CFAP36: variants seen among roughly 807,000 people sequenced by gnomAD.
The protein encoded by CFAP36 is cilia and flagella associated protein 36.
CFAP36 carries 37 observed loss-of-function variants against 50.5 expected under a neutral mutation model. The ratio of observed to expected loss-of-function variants is 0.73; its 90% CI spans 0.56 to 0.96. The LOEUF (loss-of-function observed/expected upper bound fraction) is 0.96. CFAP36 is among the 50% of genes least tolerant of loss of function. The pLI is 0.00. For synonymous variants in CFAP36, 138 were observed against 128.2 expected (o/e 1.08, Z -0.52); for missense variants, 407 against 396.2 (o/e 1.03, Z -0.23).
At chr2:55,541,642 T>A (rs1047780530) in intron 7 of CFAP36, among the ~76,000 whole-genome samples, 4 of 152,230 alleles carry the variant, frequency 2.6e-5, no homozygotes, top group Non-Finnish European at 5.9e-5. Context: ...TCATGTGTTC[T>A]GCAAATAAAG....
chr2:55,523,248 CAAAA>C (rs34360176), intron 2 of CFAP36, among the ~76,000 whole-genome samples: 3 of 140,390 alleles, frequency 2.1e-5, no homozygotes, highest in African/African-American at 2.6e-5. Flanking sequence ...CCATCTCTAC[CAAAA>C]AAAAAAAAAA....
At chr2:55,537,638 A>C in intron 7 of CFAP36, 53 bp downstream of exon 7, 1 of 1,150,870 alleles carries the variant, frequency 8.7e-7, no homozygotes, top group Non-Finnish European at 1.3e-6. Flanking sequence ...CATAAACACC[A>C]TATAGAATGT....
intron 5 of CFAP36, among the ~76,000 whole-genome samples, chr2:55,534,709 C>G (rs1684437695): frequency 6.6e-6 from 1 of 152,126 alleles, no homozygotes; most frequent in African/African-American, 2.4e-5. Context: ...AGACTGTGGC[C>G]TTGGCCTTTG....
Position 55,543,818 on chromosome 2 carries a change from CTGAA to C in CFAP36, c.641-116_641-113del. ...AGTATAGGCACTGAATATATGTTGACTGAATGACTATGAGGAAAAACAAGTATTA... is the reference window on the plus strand; with the variant it reads ...AGTATAGGCACTGAATATATGTTGACTGACTATGAGGAAAAACAAGTATTA... On this transcript the variant is annotated intron_variant, in intron 7 of 9. Transcript: ENST00000349456. 3.1e-6 allele frequency: 3 copies of C among 964,884 alleles called. No individual in the cohort carries two copies. The South Asian group carries it at 4.7e-5, about 15-fold the overall frequency. The allele number at this position is 964,884 out of a possible 1,614,324, so 59.8% of individuals were successfully genotyped here.
chr2:55,538,934 T>G, intron 7 of CFAP36: 1 of 1,428,204 alleles, frequency 7.0e-7, no homozygotes. Context: ...TTAATGTAAG[T>G]TGGAGAACAC....
At chr2:55,527,689 C>T (rs1684246189) in intron 3 of CFAP36, among the ~76,000 whole-genome samples, 1 of 152,140 alleles carries the variant, frequency 6.6e-6, no homozygotes, top group African/African-American at 2.4e-5. Context: ...ACATTCTTCT[C>T]AAGATCACAC....
intron 6 of CFAP36, among the ~76,000 whole-genome samples, chr2:55,537,267 T>C (rs1391783486): frequency 6.6e-6 from 1 of 151,908 alleles, no homozygotes. Flanking sequence ...GCTACTCAGG[T>C]GGCTCAGGCA....
intron 1 of CFAP36, among the ~76,000 whole-genome samples, chr2:55,521,653 G>A (rs1684069888): frequency 7.3e-6 from 1 of 137,884 alleles, no homozygotes. Flanking sequence ...TTTTTGAGAT[G>A]GAGTCTCACT....
chr2:55,528,810 T>C (rs1684277056), intron 3 of CFAP36, 68 bp from the exon 4 acceptor site: 1 of 852,366 alleles, frequency 1.2e-6, no homozygotes, highest in Non-Finnish European at 1.9e-6. Context: ...GCAGTAGAAA[T>C]GGTTCGAATG....
chr2:55,538,731 C>T (rs1399796480), intron 7 of CFAP36: 5 of 1,512,234 alleles, frequency 3.3e-6, no homozygotes, highest in Admixed American at 4.2e-5. Flanking sequence ...GCATGAGCCA[C>T]TGTACCCATC....
chr2:55,519,999 CTCTCG>C (rs2103626169), intron 1 of CFAP36, 83 bp downstream of exon 1: 2 of 1,255,658 alleles, frequency 1.6e-6, no homozygotes, highest in Non-Finnish European at 2.3e-6. Flanking sequence ...CACAAGCCAT[CTCTCG>C]TCTCCCCGAC....
chr2:55,529,823 T>A (rs1684308637), intron 4 of CFAP36, among the ~76,000 whole-genome samples: 1 of 152,016 alleles, frequency 6.6e-6, no homozygotes, highest in Admixed American at 6.5e-5. Flanking sequence ...ATTTTTTGTA[T>A]TTTTAGTAGA....
chr2:55,534,649 A>C (rs1684435913), intron 5 of CFAP36, among the ~76,000 whole-genome samples: 1 of 152,192 alleles, frequency 6.6e-6, no homozygotes, highest in Non-Finnish European at 1.5e-5. Context: ...TCCTGTGAGA[A>C]TATATTAGAT....
At chr2:55,535,572 A>G (rs945627418) in intron 5 of CFAP36, 140 bp from the exon 6 acceptor site, 1 of 637,038 alleles carries the variant, frequency 1.6e-6, no homozygotes. Flanking sequence ...GCCACTTTAG[A>G]GCAAGGCTTG....
intron 1 of CFAP36, among the ~76,000 whole-genome samples, chr2:55,520,135 G>T (rs554420356): frequency 1.6e-4 from 25 of 152,204 alleles, no homozygotes; most frequent in African/African-American, 6.0e-4. Flanking sequence ...GTGTTCCTTC[G>T]CAGACCTGAA....
In CFAP36 at chr2:55,528,678, G is replaced by T. The variant is rs201516555; in HGVS notation, c.283-200G>T. 1.4e-4 allele frequency among the ~76,000 whole-genome samples: 22 copies of T among 152,264 alleles called. No homozygotes were observed. The East Asian group carries it at 3.9e-3, about 27-fold the overall frequency. On this transcript the variant is annotated intron_variant, in intron 3 of 9. Transcript: ENST00000349456. The stretch of plus-strand genomic sequence containing the variant: ...CCCAAAGTATTGGGTTTACAGGTGT[G>T]AGCCACCGTGCCCGGCTGAGAACCC...
chr2:55,527,437 C>T (rs757369351), intron 3 of CFAP36, among the ~76,000 whole-genome samples: 1 of 152,026 alleles, frequency 6.6e-6, no homozygotes, highest in African/African-American at 2.4e-5. Flanking sequence ...CAAAAATTAG[C>T]CGGGTGTGGT....
At chr2:55,520,437 G>A in intron 1 of CFAP36, 1 of 1,548,662 alleles carries the variant, frequency 6.5e-7, no homozygotes, top group Admixed American at 2.0e-5. Context: ...GATAACTCCA[G>A]GAAGCCCAGA....
At chr2:55,532,404 A>G (rs907338081) in intron 4 of CFAP36, among the ~76,000 whole-genome samples, 1 of 152,154 alleles carries the variant, frequency 6.6e-6, no homozygotes, top group East Asian at 1.9e-4. Flanking sequence ...AGAAATTGCA[A>G]ATGAGAGTAT....
Sources: allele counts gnomAD v4.1 joint callset (sites outside exome capture counted in the v4.1 genomes callset), GRCh38; gene constraint gnomAD v4.1.1; transcripts MANE v1.5; gene names NCBI Gene and HGNC (gene_info 2026-07-23, HGNC 2026-07-21).